GPC6: variants seen among roughly 807,000 people sequenced by gnomAD.
GPC6 encodes glypican 6.
Under a neutral mutation model 55.2 loss-of-function variants are expected in GPC6, and 14 were observed. The observed-to-expected ratio is 0.25, with a 90% CI of 0.17 to 0.40. GPC6 has a LOEUF of 0.40. GPC6 is among the 10% of genes least tolerant of loss of function. GPC6 has a pLI of 1.00. For synonymous variants in GPC6, 278 were observed against 259.6 expected, an observed-to-expected ratio of 1.07 and a Z score of -0.68; for missense variants, 641 against 708.5, an observed-to-expected ratio of 0.90 and a Z score of 1.08.
At chr13:93,721,863 G>A (rs1890436) in intron 2 of GPC6, among the ~76,000 whole-genome samples, 141,506 of 151,698 alleles carry the variant, frequency 0.93, 66,019 homozygotes, top group Admixed American at 0.96. Flanking sequence ...CTACTTATGC[G>A]ATTTTTGTGG....
At chr13:94,168,017 T>C (rs1888426130) in intron 4 of GPC6, among the ~76,000 whole-genome samples, 1 of 152,262 alleles carries the variant, frequency 6.6e-6, no homozygotes, top group Admixed American at 6.5e-5. Context: ...AATATTTAGC[T>C]ATAGTAAGTG....
intron 1 of GPC6, among the ~76,000 whole-genome samples, chr13:93,356,955 G>A (rs940206488): frequency 2.0e-5 from 3 of 152,170 alleles, no homozygotes; most frequent in African/African-American, 7.2e-5. Context: ...CAAGCATTAG[G>A]AGAATTTAAT....
chr13:93,487,391 C>T (rs9524091), intron 1 of GPC6, among the ~76,000 whole-genome samples: 2,542 of 152,162 alleles, frequency 0.017, 33 homozygotes, highest in Non-Finnish European at 0.026. Flanking sequence ...TCAGACAGGC[C>T]CCAATGTGTA....
At chr13:94,123,613 A>G (rs895471250) in intron 4 of GPC6, among the ~76,000 whole-genome samples, 2 of 152,096 alleles carry the variant, frequency 1.3e-5, no homozygotes, top group African/African-American at 4.8e-5. Context: ...TTCAGAAACC[A>G]AGAGTTAAAA....
At chr13:93,887,816 A>T (rs1441414172) in intron 3 of GPC6, among the ~76,000 whole-genome samples, 1 of 152,146 alleles carries the variant, frequency 6.6e-6, no homozygotes, top group East Asian at 1.9e-4. Context: ...ACAAAAATGT[A>T]GTTGATTCCA....
chr13:94,135,644 A>T (rs1887160399), intron 4 of GPC6, among the ~76,000 whole-genome samples: 1 of 152,250 alleles, frequency 6.6e-6, no homozygotes, highest in Non-Finnish European at 1.5e-5. Context: ...CAGCCATTAC[A>T]CCAATAACTC....
intron 1 of GPC6, among the ~76,000 whole-genome samples, chr13:93,365,910 T>C (rs943492266): frequency 6.6e-6 from 1 of 152,128 alleles, no homozygotes. Flanking sequence ...ATATTTCCCA[T>C]GTTGAATAAA....
chr13:93,673,194 G>A (rs1379705224), intron 2 of GPC6, among the ~76,000 whole-genome samples: 1 of 152,144 alleles, frequency 6.6e-6, no homozygotes, highest in African/African-American at 2.4e-5. Context: ...AGTGCCAGTG[G>A]ATCATTAACC....
intron 1 of GPC6, among the ~76,000 whole-genome samples, chr13:93,496,104 T>C (rs4374040): frequency 0.8 from 121,118 of 151,984 alleles, 48,409 homozygotes; most frequent in East Asian, 0.99. Flanking sequence ...TGGGCAATGG[T>C]TGGCGCCCCT....
chr13:93,474,791 A>G (rs1191842607), intron 1 of GPC6, among the ~76,000 whole-genome samples: 1 of 152,116 alleles, frequency 6.6e-6, no homozygotes, highest in Non-Finnish European at 1.5e-5. Context: ...GATCACTCCC[A>G]TCTTACCTGG....
intron 1 of GPC6, among the ~76,000 whole-genome samples, chr13:93,481,093 A>G (rs772399526): frequency 1.6e-4 from 25 of 152,160 alleles, no homozygotes; most frequent in Non-Finnish European, 3.2e-4. Flanking sequence ...CACATCCTCA[A>G]CAATACTTGC....
intron 1 of GPC6, among the ~76,000 whole-genome samples, chr13:93,245,980 C>G (rs1460223793): frequency 6.6e-6 from 1 of 152,118 alleles, no homozygotes; most frequent in African/African-American, 2.4e-5. Flanking sequence ...TTTCTTTCAC[C>G]ACAGGATCCT....
At chr13:93,627,655 T>A (rs574505044) in intron 2 of GPC6, among the ~76,000 whole-genome samples, 1 of 152,034 alleles carries the variant, frequency 6.6e-6, no homozygotes, top group Admixed American at 6.6e-5. Context: ...TATTAACCAT[T>A]TCCTATGTGG....
At chr13:94,294,477 G>A (rs1370914600) in intron 5 of GPC6, among the ~76,000 whole-genome samples, 3 of 144,420 alleles carry the variant, frequency 2.1e-5, no homozygotes, top group African/African-American at 7.8e-5. Context: ...ACAGAACAGA[G>A]AATGTAATAA....
At chr13:93,766,812 C>G (rs1885141880) in intron 2 of GPC6, among the ~76,000 whole-genome samples, 1 of 152,036 alleles carries the variant, frequency 6.6e-6, no homozygotes, top group African/African-American at 2.4e-5. Context: ...TCTCATGAAA[C>G]TAAACCACAT....
chr13:93,833,382 A>G (rs1887606310), intron 3 of GPC6, among the ~76,000 whole-genome samples: 1 of 152,182 alleles, frequency 6.6e-6, no homozygotes, highest in Admixed American at 6.5e-5. Flanking sequence ...AAGACTAAAT[A>G]CATTAAGAAG....
At chr13:93,996,714 T>G (rs941117600) in intron 3 of GPC6, among the ~76,000 whole-genome samples, 2 of 152,176 alleles carry the variant, frequency 1.3e-5, no homozygotes, top group African/African-American at 4.8e-5. Flanking sequence ...GAGGACAACT[T>G]AAAATAATAA....
At chr13:94,284,145 C>T (rs1009446088) in intron 4 of GPC6, among the ~76,000 whole-genome samples, 1 of 152,238 alleles carries the variant, frequency 6.6e-6, no homozygotes, top group African/African-American at 2.4e-5. Context: ...AGAATAGATG[C>T]ACGTGGCTGC....
chr13:93,708,638 T>C (rs1010930380), intron 2 of GPC6, among the ~76,000 whole-genome samples: 3 of 151,800 alleles, frequency 2.0e-5, no homozygotes, highest in Non-Finnish European at 2.9e-5. Flanking sequence ...TCTCAAGTTC[T>C]ATTTGTCATA....
Sources: gnomAD v4.1 joint callset for allele counts (sites outside exome capture counted in the v4.1 genomes callset) on GRCh38, gnomAD v4.1.1 for gene constraint, MANE v1.5 for transcripts, NCBI Gene and HGNC (gene_info 2026-07-23, HGNC 2026-07-21) for gene names.